Variants in PELI1 observed in about 807,000 individuals in gnomAD.
PELI1 encodes the protein pellino E3 ubiquitin protein ligase 1.
In PELI1, 15 loss-of-function variants were observed where a neutral mutation model predicts 41.3. The observed-to-expected ratio is 0.36, with a 90% confidence interval of 0.24 to 0.56. The LOEUF (loss-of-function observed/expected upper bound fraction) is 0.56, where lower values mean the gene tolerates loss of function less well. Among genes scored for constraint, PELI1 ranks in the 20% least tolerant of loss-of-function variants. The probability of loss-of-function intolerance (pLI) is 0.82; values close to 1 mark genes in which losing one functional copy is unlikely to be tolerated. For synonymous variants in PELI1, 178 were observed against 180.1 expected (o/e 0.99, Z 0.09); for missense variants, 403 against 525.5 (o/e 0.77, Z 2.28).
At chr2:64,140,815 A>AAAC (rs1681886760) in intron 1 of PELI1, among the ~76,000 whole-genome samples, 1 of 149,242 alleles carries the variant, frequency 6.7e-6, no homozygotes, top group Non-Finnish European at 1.5e-5. Context: ...AAACAAAAAA[A>AAAC]AACCTAGGGG....
Position 64,095,124 on chromosome 2 carries a change from G to A in PELI1, c.835C>T (p.Arg279Ter). 4 of 1,614,136 alleles carry A rather than the reference G, an allele frequency of 2.5e-6. No homozygotes were observed. Among genetic ancestry groups the A allele is most frequent in the Non-Finnish European group, 3.4e-6 (4 of 1,180,002 alleles). ...TTGAACCCTACAGGGCACTGAGGTC[G>A]TGCTGCATTGATTTCCTGTCTTAAA... is the stretch of plus-strand genomic sequence containing the variant. ...EALRQEINAA[R>*]PQCPVGFNTL... is the part of the protein sequence containing the mutation. The change falls in exon 7 of 7, where the codon CGA becomes TGA. Residue 279 changes from arginine to a stop codon, truncating the protein, a stop_gained. Transcript: ENST00000358912. LOFTEE classifies it high-confidence loss of function.
At chr2:64,103,340 G>A (rs918081823) in intron 3 of PELI1, among the ~76,000 whole-genome samples, 1 of 152,124 alleles carries the variant, frequency 6.6e-6, no homozygotes, top group African/African-American at 2.4e-5. Flanking sequence ...AGTCTAAGGG[G>A]CATCTGAAAA....
At chr2:64,138,467 C>T (rs1681789963) in intron 1 of PELI1, among the ~76,000 whole-genome samples, 2 of 152,208 alleles carry the variant, frequency 1.3e-5, no homozygotes, top group Admixed American at 1.3e-4. Flanking sequence ...GTGGCTCCCA[C>T]CTGTAATCCC....
At chr2:64,096,871 C>A (rs753133902) in intron 4 of PELI1, among the ~76,000 whole-genome samples, 3 of 152,142 alleles carry the variant, frequency 2.0e-5, no homozygotes, top group African/African-American at 7.2e-5. Flanking sequence ...AATTCAGGAA[C>A]GGCTGAGATT....
At chr2:64,101,874 T>C (rs904412551) in intron 3 of PELI1, among the ~76,000 whole-genome samples, 11 of 145,832 alleles carry the variant, frequency 7.5e-5, no homozygotes, top group Non-Finnish European at 1.5e-4. Flanking sequence ...GTCGCCTAGG[T>C]TGCAGTGCAG....
intron 1 of PELI1, among the ~76,000 whole-genome samples, chr2:64,131,991 C>T (rs1159257645): frequency 6.6e-6 from 1 of 152,108 alleles, no homozygotes; most frequent in Non-Finnish European, 1.5e-5. Context: ...GTCTTTTTCA[C>T]TATGGTAAGT....
chr2:64,111,764 T>C (rs1191947727), intron 1 of PELI1, among the ~76,000 whole-genome samples: 1 of 152,204 alleles, frequency 6.6e-6, no homozygotes, highest in African/African-American at 2.4e-5. Flanking sequence ...TCTTCTGATA[T>C]ACATGAAATC....
rs374483498 is a variant in PELI1 at position 64,094,945 on chromosome 2, A to G, written c.1014T>C (p.Ser338=). The G allele has an allele frequency of 2.0e-5, 32 of 1,613,892 alleles. No homozygotes were observed. Among genetic ancestry groups the G allele is most frequent in the Non-Finnish European group, 2.5e-5 (30 of 1,180,010 alleles). The change falls in exon 7 of 7, where the codon TCT becomes TCC. Residue 338 remains serine, a synonymous_variant. Coordinates refer to ENST00000358912, the MANE Select transcript of PELI1 (RefSeq NM_020651.4). ...GCCACAGAGGAACATAGGGACCAAC[A>G]GACCTACACATAGGACATTCACGAT... ...GKDRECPMCR[S]VGPYVPLWLG...
chr2:64,118,908 C>A (rs114875320), intron 1 of PELI1, among the ~76,000 whole-genome samples: 2,060 of 151,122 alleles, frequency 0.014, 22 homozygotes, highest in South Asian at 0.032. Context: ...GGCTACGAAA[C>A]AACAACATAA....
At chr2:64,116,192 A>G (rs1680985751) in intron 1 of PELI1, among the ~76,000 whole-genome samples, 1 of 152,190 alleles carries the variant, frequency 6.6e-6, no homozygotes, top group Non-Finnish European at 1.5e-5. Flanking sequence ...TTGCAACCTT[A>G]CCCACAAATA....
At position 64,094,935 on chromosome 2, in the gene PELI1, A is replaced by C; in HGVS notation, c.1024T>G (p.Tyr342Asp). The C allele has an allele frequency of 6.2e-7, 1 of 1,613,082 alleles. No homozygotes were observed. The highest frequency in any genetic ancestry group is 8.5e-7 in the Non-Finnish European group (1 of 1,179,696). The change falls in exon 7 of 7, where the codon TAT becomes GAT. Residue 342 changes from tyrosine (Y) to aspartate (D), a missense_variant. Coordinates refer to ENST00000358912, the MANE Select transcript of PELI1 (RefSeq NM_020651.4). ...ECPMCRSVGP[Y>D]VPLWLGCEAG... ...TCACATCCAAGCCACAGAGGAACAT[A>C]GGGACCAACAGACCTACACATAGGA...
Position 64,144,166 on chromosome 2 carries a change from C to G in PELI1, c.-155G>C, listed in dbSNP as rs1261212826. On this transcript the variant is annotated 5_prime_UTR_variant, in exon 1 of 7. Coordinates refer to ENST00000358912, the MANE Select transcript of PELI1 (RefSeq NM_020651.4). ...AAGTGTTGTGCGCGGGGAGCGCGAG[C>G]AGACAGCCCGCCGTTCCGCCGCTGC... 1 of 152,146 alleles carries G rather than the reference C, an allele frequency of 6.6e-6. No homozygotes were observed. The highest frequency in any genetic ancestry group is 1.5e-5 in the Non-Finnish European group (1 of 68,036). The allele number at this position is 152,146 out of a possible 1,614,324, so 9.4% of individuals were successfully genotyped here. A position where few individuals can be genotyped will look rare whatever the true frequency, so the allele number is the denominator to read the frequency against.
At chr2:64,113,604 G>A (rs935180721) in intron 1 of PELI1, among the ~76,000 whole-genome samples, 3 of 151,958 alleles carry the variant, frequency 2.0e-5, no homozygotes, top group Non-Finnish European at 4.4e-5. Flanking sequence ...TCATTAGCAG[G>A]AACTAAACTT....
intron 1 of PELI1, among the ~76,000 whole-genome samples, chr2:64,129,763 CAAAT>C (rs1027388947): frequency 7.2e-4 from 109 of 152,194 alleles, no homozygotes; most frequent in African/African-American, 2.3e-3. Context: ...AAACACCAAA[CAAAT>C]AAATACATTG....
rs565684951 is a variant in PELI1, at chr2:64,104,131, A to G, written c.201+570T>C. Among the ~76,000 whole-genome samples, 9 of 152,352 alleles carry G rather than the reference A, an allele frequency of 5.9e-5. No homozygotes were observed. In the East Asian group the frequency reaches 1.3e-3, roughly 23 times the overall value. On this transcript the variant is annotated intron_variant, in intron 3 of 6. Coordinates refer to ENST00000358912, the MANE Select transcript of PELI1 (RefSeq NM_020651.4). ...AGTTATATTGTAGATGCAGTTGGAT[A>G]TTGCCTTCATAGCTTTGATTCAACT...
At chr2:64,127,866 CT>C (rs1558484916) in intron 1 of PELI1, among the ~76,000 whole-genome samples, 1 of 151,988 alleles carries the variant, frequency 6.6e-6, no homozygotes. Flanking sequence ...ATCTTTTTTC[CT>C]TTTTTCAAAT....
intron 1 of PELI1, among the ~76,000 whole-genome samples, chr2:64,110,443 TGA>T (rs1315221341): frequency 6.6e-6 from 1 of 151,780 alleles, no homozygotes; most frequent in Non-Finnish European, 1.5e-5. Context: ...GAGGAAAAAT[TGA>T]GAGAATTTGT....
chr2:64,101,777 T>C (rs1408305551), intron 3 of PELI1, among the ~76,000 whole-genome samples: 1 of 150,976 alleles, frequency 6.6e-6, no homozygotes, highest in Non-Finnish European at 1.5e-5. Flanking sequence ...GAGATTATAC[T>C]AACGACTCAG....
chr2:64,136,030 T>G (rs552893752), intron 1 of PELI1, among the ~76,000 whole-genome samples: 17 of 152,288 alleles, frequency 1.1e-4, no homozygotes, highest in African/African-American at 4.1e-4. Context: ...CTCTTTCTCT[T>G]CCGTCAGAAG....
Sources: gnomAD v4.1 joint callset for allele counts (sites outside exome capture counted in the v4.1 genomes callset) on GRCh38, gnomAD v4.1.1 for gene constraint, MANE v1.5 for transcripts, NCBI Gene and HGNC (gene_info 2026-07-23, HGNC 2026-07-21) for gene names.